Variants in GLRA1 observed in about 807,000 individuals in gnomAD.
GLRA1 encodes the protein glycine receptor alpha 1, also known as glycine receptor subunit alpha-1.
GLRA1 carries 37 observed loss-of-function variants against 48.3 expected under a neutral mutation model. That is an observed-to-expected ratio of 0.77 (90% CI 0.59 to 1.01). The LOEUF is 1.01. Ranked by LOEUF, GLRA1 falls within the 50% of genes least tolerant of loss-of-function variation. The pLI, the probability that GLRA1 is intolerant of heterozygous loss-of-function variation, is 0.00. For missense variants in GLRA1, 427 were observed against 571.0 expected, an observed-to-expected ratio of 0.75 and a Z score of 2.57; for synonymous variants, 196 against 210.7, an observed-to-expected ratio of 0.93 and a Z score of 0.60.
chr5:151,827,073 T>C (rs757062608), intron 8 of GLRA1, among the ~76,000 whole-genome samples: 10 of 147,600 alleles, frequency 6.8e-5, no homozygotes, highest in Non-Finnish European at 1.5e-4. Flanking sequence ...GTTGCCCACA[T>C]TGGTCTGGAA....
intron 1 of GLRA1, among the ~76,000 whole-genome samples, chr5:151,894,247 C>G (rs1330283579): frequency 1.3e-5 from 2 of 152,184 alleles, no homozygotes; most frequent in African/African-American, 4.8e-5. Flanking sequence ...TGTTCTTCCT[C>G]TCAGCTTCTT....
At chr5:151,846,998 A>G (rs542670218) in intron 7 of GLRA1, among the ~76,000 whole-genome samples, 2 of 152,182 alleles carry the variant, frequency 1.3e-5, no homozygotes, top group Non-Finnish European at 2.9e-5. Context: ...CTGCCCATCT[A>G]TCTATCTATT....
intron 3 of GLRA1, among the ~76,000 whole-genome samples, chr5:151,866,779 C>G (rs1184177827): frequency 6.6e-6 from 1 of 151,932 alleles, no homozygotes; most frequent in Non-Finnish European, 1.5e-5. Flanking sequence ...CAAATATCTA[C>G]CACACAAAAT....
At chr5:151,828,664 G>C (rs1347888973) in intron 8 of GLRA1, among the ~76,000 whole-genome samples, 1 of 152,198 alleles carries the variant, frequency 6.6e-6, no homozygotes, top group Non-Finnish European at 1.5e-5. Flanking sequence ...TAGTTAATCA[G>C]TTGCGCCTTT....
At chr5:151,884,915 C>T (rs2113403770) in intron 3 of GLRA1, among the ~76,000 whole-genome samples, 1 of 152,288 alleles carries the variant, frequency 6.6e-6, no homozygotes, top group African/African-American at 2.4e-5. Context: ...ATTAAGAGTG[C>T]TTGTAAGACA....
At position 151,850,532 on chromosome 5, in the gene GLRA1, G is replaced by A. The variant is rs6896570; in HGVS notation, c.912+858C>T. On this transcript the variant is annotated intron_variant, in intron 7 of 8. Coordinates refer to ENST00000274576, the MANE Select transcript of GLRA1 (RefSeq NM_000171.4). ...GCAGTGGCACCAGTACCACATCCAC[G>A]CTTATGATCCCAAGGGAGGCCTGGA... 1.6e-3 allele frequency: 1,757 copies of A among 1,071,796 alleles called. 20 individuals carry two copies. In the African/African-American group the frequency reaches 0.022, roughly 14 times the overall value. 66.4% of individuals were successfully genotyped at this position (1,071,796 alleles called of 1,614,324 possible). A position where few individuals can be genotyped will look rare whatever the true frequency, so the allele number is the denominator to read the frequency against.
At chr5:151,828,898 T>C in intron 8 of GLRA1, 23 bp downstream of exon 8, 1 of 1,611,234 alleles carries the variant, frequency 6.2e-7, no homozygotes. Flanking sequence ...TGTCCCTCCT[T>C]AGGCAGTGAC....
intron 1 of GLRA1, among the ~76,000 whole-genome samples, chr5:151,919,032 A>C (rs1561585003): frequency 6.6e-6 from 1 of 152,230 alleles, no homozygotes; most frequent in Non-Finnish European, 1.5e-5. Context: ...CTCAGAGTGC[A>C]TTTTAAACAT....
chr5:151,828,414 C>T (rs1449868519), intron 8 of GLRA1, among the ~76,000 whole-genome samples: 1 of 152,170 alleles, frequency 6.6e-6, no homozygotes. Context: ...TTCCTTTATT[C>T]AATCCCTCAT....
intron 1 of GLRA1, among the ~76,000 whole-genome samples, chr5:151,896,516 A>G (rs936276222): frequency 2.0e-5 from 3 of 152,214 alleles, no homozygotes; most frequent in African/African-American, 4.8e-5. Context: ...AGCAATCTGT[A>G]TATACACTGC....
intron 3 of GLRA1, among the ~76,000 whole-genome samples, chr5:151,867,240 T>C (rs912500770): frequency 2.6e-5 from 4 of 152,202 alleles, no homozygotes; most frequent in Admixed American, 6.5e-5. Flanking sequence ...AGGTGGCCCC[T>C]TTCAGTTTGT....
chr5:151,842,326 A>G (rs897708407), intron 7 of GLRA1, among the ~76,000 whole-genome samples: 1 of 148,878 alleles, frequency 6.7e-6, no homozygotes, highest in African/African-American at 2.5e-5. Context: ...ACGTATCAAC[A>G]TCTCTTATGA....
intron 7 of GLRA1, among the ~76,000 whole-genome samples, chr5:151,831,236 A>G (rs1305570925): frequency 6.6e-6 from 1 of 152,182 alleles, no homozygotes; most frequent in Non-Finnish European, 1.5e-5. Context: ...TTGGACAGAC[A>G]CCGAGCTAGC....
At chr5:151,849,832 G>T (rs967568564) in intron 7 of GLRA1, 5 of 1,299,446 alleles carry the variant, frequency 3.8e-6, no homozygotes, top group Non-Finnish European at 4.0e-6. Flanking sequence ...GGGATTACAG[G>T]CATGAGCCAC....
At position 151,898,001 on chromosome 5, in the gene GLRA1, T is replaced by G. The variant is rs1405067166; in HGVS notation, c.57-5563A>C. Among the ~76,000 whole-genome samples, 8 of 152,296 alleles carry G rather than the reference T, an allele frequency of 5.3e-5. No homozygotes were observed. In the South Asian group the frequency reaches 1.7e-3, roughly 32 times the overall value. The stretch of plus-strand genomic sequence containing the variant: ...GTACTTAAAGGACCTCAGATGTTAC[T>G]TCTAATGACAGAGACCATGCAAAGC... On this transcript the variant is annotated intron_variant, in intron 1 of 8. Transcript: ENST00000274576.
chr5:151,822,638 C>A lies in GLRA1; in HGVS notation c.*35G>T. On this transcript the variant is annotated 3_prime_UTR_variant, in exon 9 of 9. Transcript: ENST00000274576. ...CAGATTCCTGTGCTATTCCCACGTT[C>A]CCCTCTCCCAGCCTCCCCCAACCTT... 1.4e-6 allele frequency: 2 copies of A among 1,458,582 alleles called. No homozygotes were observed. Among genetic ancestry groups the A allele is most frequent in the South Asian group, 2.3e-5 (2 of 87,642 alleles). The allele number at this position is 1,458,582 out of a possible 1,614,324, so 90.4% of individuals were successfully genotyped here.
intron 1 of GLRA1, among the ~76,000 whole-genome samples, chr5:151,909,029 C>T (rs531354694): frequency 9.8e-5 from 15 of 152,318 alleles, no homozygotes; most frequent in South Asian, 4.2e-4. Context: ...GTATTTTCCT[C>T]ACAGGGTAGC....
At chr5:151,875,025 G>T (rs1753588307) in intron 3 of GLRA1, among the ~76,000 whole-genome samples, 1 of 151,992 alleles carries the variant, frequency 6.6e-6, no homozygotes, top group Non-Finnish European at 1.5e-5. Flanking sequence ...GCAACAAAGT[G>T]GGAAAAAAGT....
chr5:151,875,879 A>G (rs1216586589), intron 3 of GLRA1, among the ~76,000 whole-genome samples: 2 of 152,218 alleles, frequency 1.3e-5, no homozygotes, highest in Non-Finnish European at 2.9e-5. Context: ...CCTGGGGATG[A>G]TAACTGGCTG....
Sources: gnomAD v4.1 joint callset for allele counts (sites outside exome capture counted in the v4.1 genomes callset) on GRCh38, gnomAD v4.1.1 for gene constraint, MANE v1.5 for transcripts, NCBI Gene and HGNC (gene_info 2026-07-23, HGNC 2026-07-21) for gene names.